Variants in SDK1 observed in about 807,000 individuals in gnomAD.
SDK1 encodes the protein sidekick cell adhesion molecule 1.
A neutral mutation model predicts 245.5 loss-of-function variants in SDK1; 157 were observed. That is an observed-to-expected ratio of 0.64 (90% CI 0.56 to 0.73). The LOEUF is 0.73. SDK1 is among the 30% of genes least tolerant of loss of function. SDK1 has a pLI of 0.00. For missense variants in SDK1, 3,583 were observed against 3,002.3 expected (o/e 1.19, Z -4.52); for synonymous variants, 1,647 against 1,278.5 (o/e 1.29, Z -6.15).
At chr7:3,338,207 C>T in intron 1 of SDK1, 2 of 270,232 alleles carry the variant, frequency 7.4e-6, no homozygotes, top group Non-Finnish European at 1.4e-5. Context: ...GTTCTTTTGG[C>T]CACATACCTG....
At position 3,644,487 on chromosome 7, in the gene SDK1, A is replaced by G. The variant is rs77217410; in HGVS notation, c.713+2382A>G. On this transcript the variant is annotated intron_variant, in intron 4 of 44. Transcript: ENST00000404826. Reference sequence around the variant, plus strand: ...GGCTTTAAAAAGGCAGGTAAGGGCCATTTGCGGTGGCTTGTTCCTGTAATC... The same window carrying G: ...GGCTTTAAAAAGGCAGGTAAGGGCCGTTTGCGGTGGCTTGTTCCTGTAATC... 4.5e-4 allele frequency among the ~76,000 whole-genome samples: 68 copies of G among 151,922 alleles called. 1 individual carries two copies. The highest frequency in any genetic ancestry group is 9.7e-4 in the East Asian group (5 of 5,160).
At chr7:3,587,325 G>C (rs983797619) in intron 1 of SDK1, among the ~76,000 whole-genome samples, 3 of 141,100 alleles carry the variant, frequency 2.1e-5, no homozygotes, top group Admixed American at 1.5e-4. Flanking sequence ...GTGTGTGTGT[G>C]TGTCTAAAGA....
chr7:3,686,756 G>T (rs1159162514), intron 4 of SDK1, among the ~76,000 whole-genome samples: 1 of 152,188 alleles, frequency 6.6e-6, no homozygotes, highest in African/African-American at 2.4e-5. Context: ...GGTAATGGCA[G>T]GCAGGAGCTG....
intron 25 of SDK1, among the ~76,000 whole-genome samples, chr7:4,124,300 C>G (rs1784243512): frequency 1.3e-5 from 2 of 152,188 alleles, no homozygotes; most frequent in South Asian, 2.1e-4. Flanking sequence ...GGAATCTGAG[C>G]TGGAGGTGTT....
At chr7:3,988,260 C>T (rs1001210801) in intron 14 of SDK1, among the ~76,000 whole-genome samples, 1 of 151,356 alleles carries the variant, frequency 6.6e-6, no homozygotes, top group Non-Finnish European at 1.5e-5. Context: ...TTCCCTGGAC[C>T]CCAGCCCCCA....
At chr7:3,857,784 A>G (rs1780583234) in intron 5 of SDK1, among the ~76,000 whole-genome samples, 1 of 152,200 alleles carries the variant, frequency 6.6e-6, no homozygotes, top group Admixed American at 6.5e-5. Context: ...ATATGGAAAA[A>G]TTCTTTTTCC....
At chr7:3,795,675 T>A (rs944705109) in intron 4 of SDK1, among the ~76,000 whole-genome samples, 39 of 152,142 alleles carry the variant, frequency 2.6e-4, no homozygotes, top group African/African-American at 9.4e-4. Context: ...TTAGAACCCA[T>A]CACGTTAGAT....
intron 7 of SDK1, among the ~76,000 whole-genome samples, chr7:3,957,476 T>C (rs549708264): frequency 1.8e-4 from 27 of 152,340 alleles, no homozygotes; most frequent in African/African-American, 6.3e-4. Context: ...GACAGTTTTC[T>C]AAAAAGAAAA....
intron 1 of SDK1, among the ~76,000 whole-genome samples, chr7:3,415,667 T>G (rs1452864396): frequency 6.6e-6 from 1 of 151,046 alleles, no homozygotes; most frequent in Non-Finnish European, 1.5e-5. Context: ...ACTTCTGAGC[T>G]GCAAACCCAT....
chr7:3,907,200 G>T (rs1778981590), intron 5 of SDK1, among the ~76,000 whole-genome samples: 1 of 152,082 alleles, frequency 6.6e-6, no homozygotes, highest in Admixed American at 6.5e-5. Context: ...TTAATTACAT[G>T]CACATTGTTG....
intron 1 of SDK1, among the ~76,000 whole-genome samples, chr7:3,397,771 T>C (rs1159793661): frequency 6.6e-6 from 1 of 152,050 alleles, no homozygotes; most frequent in Non-Finnish European, 1.5e-5. Context: ...TTTTAAAAAT[T>C]TGTTCTTAGG....
At chr7:3,520,865 C>A (rs920882465) in intron 1 of SDK1, among the ~76,000 whole-genome samples, 1 of 152,114 alleles carries the variant, frequency 6.6e-6, no homozygotes, top group Non-Finnish European at 1.5e-5. Flanking sequence ...CCTGTTTTTG[C>A]CATAATAAAT....
At chr7:3,674,650 C>T (rs923420079) in intron 4 of SDK1, among the ~76,000 whole-genome samples, 5 of 152,020 alleles carry the variant, frequency 3.3e-5, no homozygotes, top group Admixed American at 6.6e-5. Context: ...GGACAAAGGG[C>T]AGTGATGTGT....
intron 5 of SDK1, among the ~76,000 whole-genome samples, chr7:3,854,084 A>G (rs1325234677): frequency 6.6e-6 from 1 of 152,164 alleles, no homozygotes; most frequent in Admixed American, 6.5e-5. Context: ...ACATTTTTAA[A>G]TTTGAGAGTA....
At chr7:4,074,666 G>A (rs1312160779) in intron 20 of SDK1, among the ~76,000 whole-genome samples, 1 of 151,808 alleles carries the variant, frequency 6.6e-6, no homozygotes, top group Non-Finnish European at 1.5e-5. Context: ...TTTGAGACCA[G>A]CCTGGGCAAC....
chr7:3,647,357 T>C (rs1422018437), intron 4 of SDK1, among the ~76,000 whole-genome samples: 1 of 152,226 alleles, frequency 6.6e-6, no homozygotes, highest in Non-Finnish European at 1.5e-5. Flanking sequence ...AAAATCCAGA[T>C]TCCTTCCCAC....
intron 1 of SDK1, among the ~76,000 whole-genome samples, chr7:3,588,919 G>A (rs575241400): frequency 6.6e-6 from 1 of 152,138 alleles, no homozygotes; most frequent in Non-Finnish European, 1.5e-5. Flanking sequence ...TCAAAAATGA[G>A]ATCAAAGTTG....
At chr7:3,850,700 T>A (rs1459920207) in intron 5 of SDK1, among the ~76,000 whole-genome samples, 3 of 152,152 alleles carry the variant, frequency 2.0e-5, no homozygotes, top group African/African-American at 7.2e-5. Context: ...CGTTCATGTC[T>A]TTTGTAGGGA....
At chr7:3,980,796 G>A (rs1216329275) in intron 13 of SDK1, among the ~76,000 whole-genome samples, 1 of 152,096 alleles carries the variant, frequency 6.6e-6, no homozygotes, top group East Asian at 1.9e-4. Context: ...ACAAAAATTA[G>A]CCGGGCGTGG....
Sources: gnomAD v4.1 joint callset for allele counts (sites outside exome capture counted in the v4.1 genomes callset) on GRCh38, gnomAD v4.1.1 for gene constraint, MANE v1.5 for transcripts, NCBI Gene and HGNC (gene_info 2026-07-23, HGNC 2026-07-21) for gene names.